CAST: variants seen among roughly 807,000 people sequenced by gnomAD.
The protein encoded by CAST is MIR583 host.
A neutral mutation model predicts 119.6 loss-of-function variants in CAST; 76 were observed. The observed-to-expected ratio is 0.64, with a 90% CI of 0.53 to 0.77. The LOEUF is 0.77. Among genes scored for constraint, CAST ranks in the 30% least tolerant of loss-of-function variants. The probability of loss-of-function intolerance (pLI) is 0.00; values close to 1 mark genes in which losing one functional copy is unlikely to be tolerated. For missense variants in CAST, 953 were observed against 946.5 expected (o/e 1.01, Z -0.09); for synonymous variants, 319 against 331.6 (o/e 0.96, Z 0.41).
chr5:96,744,127 T>C (rs1329372591), intron 16 of CAST, among the ~76,000 whole-genome samples: 1 of 152,206 alleles, frequency 6.6e-6, no homozygotes, highest in African/African-American at 2.4e-5. Flanking sequence ...GGAATGCATA[T>C]GAATGTATTA....
chr5:95,965,950 A>G, the CAST span, among the ~76,000 whole-genome samples: 1 of 152,152 alleles, frequency 6.6e-6, no homozygotes, highest in Admixed American at 6.6e-5. Flanking sequence ...CATCATCATC[A>G]TTATTGCTAA....
chr5:96,389,719 T>G, the CAST span, among the ~76,000 whole-genome samples: 2 of 152,156 alleles, frequency 1.3e-5, no homozygotes, highest in African/African-American at 4.8e-5. Flanking sequence ...GTGGATCACC[T>G]GAGCCCAAAA....
At chr5:96,061,826 T>G in the CAST span, among the ~76,000 whole-genome samples, 2 of 152,094 alleles carry the variant, frequency 1.3e-5, no homozygotes, top group African/African-American at 2.4e-5. Context: ...GAGTAAGCCC[T>G]TAGTGTGAAG....
chr5:96,315,723 A>G, the CAST span, among the ~76,000 whole-genome samples: 2 of 152,250 alleles, frequency 1.3e-5, no homozygotes, highest in South Asian at 2.1e-4. Context: ...TAATAGCAGA[A>G]GTGACACTGT....
At chr5:96,532,242 C>A (rs1161347245) in intron 1 of CAST, among the ~76,000 whole-genome samples, 2 of 152,140 alleles carry the variant, frequency 1.3e-5, no homozygotes, top group Non-Finnish European at 2.9e-5. Context: ...GGAGGCCTGA[C>A]TGCAGATTTA....
intron 1 of CAST, among the ~76,000 whole-genome samples, chr5:96,602,189 G>A (rs560603501): frequency 8.5e-5 from 13 of 152,302 alleles, no homozygotes; most frequent in African/African-American, 2.6e-4. Flanking sequence ...GGTTGAGGAC[G>A]GCTGAAACAG....
chr5:96,156,905 C>T, the CAST span, among the ~76,000 whole-genome samples: 1 of 152,184 alleles, frequency 6.6e-6, no homozygotes, highest in African/African-American at 2.4e-5. Flanking sequence ...TTTGGTCAAA[C>T]TCCTCTATCC....
chr5:96,242,774 T>C, the CAST span, among the ~76,000 whole-genome samples: 1 of 152,202 alleles, frequency 6.6e-6, no homozygotes, highest in Non-Finnish European at 1.5e-5. Context: ...TGTGCTATGA[T>C]TCACATTTCC....
At chr5:96,383,340 A>T in the CAST span, among the ~76,000 whole-genome samples, 33 of 152,322 alleles carry the variant, frequency 2.2e-4, no homozygotes, top group South Asian at 6.6e-3. Flanking sequence ...TAGTGTGCTA[A>T]TGTGCTATAC....
chr5:96,062,220 A>G, the CAST span, among the ~76,000 whole-genome samples: 71 of 152,278 alleles, frequency 4.7e-4, no homozygotes, highest in Non-Finnish European at 8.4e-4. Context: ...ACACATGACC[A>G]TAGGACCCAC....
chr5:96,727,736 T>C (rs1759548530), intron 6 of CAST, among the ~76,000 whole-genome samples: 1 of 152,174 alleles, frequency 6.6e-6, no homozygotes, highest in African/African-American at 2.4e-5. Flanking sequence ...GAATATATAA[T>C]ATTTTATAAA....
At chr5:96,699,078 T>C (rs527288990) in intron 3 of CAST, among the ~76,000 whole-genome samples, 15 of 152,326 alleles carry the variant, frequency 9.8e-5, no homozygotes, top group African/African-American at 3.4e-4. Flanking sequence ...TTCAAAATAA[T>C]TAGTGTAAAA....
At chr5:96,650,628 T>G (rs1040925994) in intron 1 of CAST, among the ~76,000 whole-genome samples, 2 of 152,244 alleles carry the variant, frequency 1.3e-5, no homozygotes, top group Non-Finnish European at 2.9e-5. Context: ...TCAGAATTAT[T>G]TTATGTAATT....
At chr5:96,387,186 A>G in the CAST span, among the ~76,000 whole-genome samples, 1 of 152,156 alleles carries the variant, frequency 6.6e-6, no homozygotes, top group Non-Finnish European at 1.5e-5. Flanking sequence ...AAGAGTGCAC[A>G]CCTCTAGCCT....
the CAST span, among the ~76,000 whole-genome samples, chr5:96,413,915 C>G: frequency 2.9e-5 from 4 of 138,672 alleles, no homozygotes; most frequent in African/African-American, 8.3e-5. Flanking sequence ...GTCAAGAGAT[C>G]GAGACCATCC....
At chr5:95,996,395 A>G in the CAST span, among the ~76,000 whole-genome samples, 193 of 152,300 alleles carry the variant, frequency 1.3e-3, no homozygotes, top group East Asian at 0.035. Flanking sequence ...TCTGTGAGTC[A>G]GTCTCATCCT....
chr5:96,084,575 T>A, the CAST span, among the ~76,000 whole-genome samples: 1 of 152,238 alleles, frequency 6.6e-6, no homozygotes, highest in Non-Finnish European at 1.5e-5. Flanking sequence ...AATCCACTTC[T>A]GGCTAATTGG....
At chr5:96,446,878 C>A in the CAST span, among the ~76,000 whole-genome samples, 12 of 152,344 alleles carry the variant, frequency 7.9e-5, no homozygotes, top group African/African-American at 2.4e-4. Flanking sequence ...ACCTCAGTTT[C>A]TGTCCTCATC....
the CAST span, among the ~76,000 whole-genome samples, chr5:96,171,790 G>T: frequency 6.6e-6 from 1 of 152,214 alleles, no homozygotes; most frequent in African/African-American, 2.4e-5. Flanking sequence ...TAAAAAGAGG[G>T]TGCTTACCCG....
Sources: allele counts gnomAD v4.1 joint callset (sites outside exome capture counted in the v4.1 genomes callset), GRCh38; gene constraint gnomAD v4.1.1; transcripts MANE v1.5; gene names NCBI Gene and HGNC (gene_info 2026-07-23, HGNC 2026-07-21).